The following SEMA3E variants were observed in gnomAD, a reference collection of about 807,000 sequenced individuals.
SEMA3E encodes semaphorin 3E, also known as semaphorin-3E.
SEMA3E carries 49 observed loss-of-function variants against 93.6 expected under a neutral mutation model. That is an observed-to-expected ratio of 0.52 (90% CI 0.42 to 0.66). The LOEUF is 0.66. Ranked by LOEUF, SEMA3E falls within the 30% of genes least tolerant of loss-of-function variation. SEMA3E has a pLI of 0.00. For missense variants in SEMA3E, 906 were observed against 964.8 expected (o/e 0.94, Z 0.81); for synonymous variants, 363 against 330.7 (o/e 1.10, Z -1.06).
At chr7:83,629,917 T>C (rs1293277250) in intron 1 of SEMA3E, among the ~76,000 whole-genome samples, 4 of 152,132 alleles carry the variant, frequency 2.6e-5, no homozygotes, top group Admixed American at 1.3e-4. Context: ...GCTCTGGTAG[T>C]GCAGGCACCC....
chr7:83,417,328 T>C (rs1425750911), intron 5 of SEMA3E, among the ~76,000 whole-genome samples: 1 of 152,090 alleles, frequency 6.6e-6, no homozygotes, highest in Non-Finnish European at 1.5e-5. Flanking sequence ...ATAAACTGAC[T>C]TGAATATGTT....
chr7:83,457,938 T>C (rs1789523548), intron 4 of SEMA3E, among the ~76,000 whole-genome samples: 2 of 152,156 alleles, frequency 1.3e-5, no homozygotes. Flanking sequence ...TTGTAACTTT[T>C]AATTCCCTCA....
intron 4 of SEMA3E, among the ~76,000 whole-genome samples, chr7:83,430,021 T>C (rs1360072811): frequency 1.3e-5 from 2 of 152,186 alleles, no homozygotes; most frequent in African/African-American, 4.8e-5. Context: ...TCATGGATAA[T>C]TTAACAAACA....
intron 4 of SEMA3E, among the ~76,000 whole-genome samples, chr7:83,439,240 T>C (rs907542859): frequency 5.3e-5 from 8 of 152,122 alleles, no homozygotes; most frequent in African/African-American, 1.4e-4. Flanking sequence ...ATCACAGTCC[T>C]GTGTGGAGAA....
At chr7:83,605,425 G>A (rs946485619) in intron 1 of SEMA3E, among the ~76,000 whole-genome samples, 3 of 149,824 alleles carry the variant, frequency 2.0e-5, no homozygotes, top group Admixed American at 6.6e-5. Flanking sequence ...CCGCATAAAT[G>A]TCCTCTCTTT....
chr7:83,485,881 TA>T (rs1381874722), intron 2 of SEMA3E, among the ~76,000 whole-genome samples: 1 of 152,166 alleles, frequency 6.6e-6, no homozygotes, highest in African/African-American at 2.4e-5. Flanking sequence ...GAATGTATGT[TA>T]TGTATATCCT....
chr7:83,373,744 C>T (rs1794781254), intron 16 of SEMA3E, among the ~76,000 whole-genome samples: 1 of 151,712 alleles, frequency 6.6e-6, no homozygotes, highest in African/African-American at 2.4e-5. Context: ...CATTTATATT[C>T]AAGAATGAAT....
At chr7:83,447,966 CACAA>C (rs548669653) in intron 4 of SEMA3E, among the ~76,000 whole-genome samples, 1 of 152,140 alleles carries the variant, frequency 6.6e-6, no homozygotes, top group Non-Finnish European at 1.5e-5. Context: ...GTTTAATCCA[CACAA>C]ACACTCAAAA....
chr7:83,447,598 G>A (rs991620465), intron 4 of SEMA3E, among the ~76,000 whole-genome samples: 1 of 152,140 alleles, frequency 6.6e-6, no homozygotes, highest in South Asian at 2.1e-4. Flanking sequence ...GAAGGTTATC[G>A]CTGGAGAAAA....
chr7:83,594,106 A>G (rs1244278924), intron 1 of SEMA3E, among the ~76,000 whole-genome samples: 1 of 152,170 alleles, frequency 6.6e-6, no homozygotes, highest in Non-Finnish European at 1.5e-5. Flanking sequence ...TTATGCCAAT[A>G]TGGAGAACTT....
At chr7:83,418,336 T>C (rs1788598942) in intron 5 of SEMA3E, 54 bp downstream of exon 5, 2 of 1,221,838 alleles carry the variant, frequency 1.6e-6, no homozygotes, top group East Asian at 4.8e-5. Context: ...AGTTGAAATA[T>C]ATGTTTTAAA....
At chr7:83,499,032 CTTT>C (rs1203076259) in intron 1 of SEMA3E, among the ~76,000 whole-genome samples, 17 of 73,736 alleles carry the variant, frequency 2.3e-4, no homozygotes, top group Non-Finnish European at 4.6e-4. Context: ...AAACCTTTTT[CTTT>C]ACCTTTCTTT....
intron 1 of SEMA3E, among the ~76,000 whole-genome samples, chr7:83,532,097 T>C (rs1457817868): frequency 6.6e-6 from 1 of 152,190 alleles, no homozygotes; most frequent in Non-Finnish European, 1.5e-5. Context: ...GATAGTTCAA[T>C]GCAAAAATTT....
At chr7:83,634,620 A>G (rs917131999) in intron 1 of SEMA3E, among the ~76,000 whole-genome samples, 3 of 151,868 alleles carry the variant, frequency 2.0e-5, no homozygotes, top group Non-Finnish European at 1.5e-5. Flanking sequence ...TTTCCTTCTT[A>G]TTATGGTTAT....
intron 1 of SEMA3E, among the ~76,000 whole-genome samples, chr7:83,577,814 AT>A (rs1792438385): frequency 2.0e-5 from 3 of 152,192 alleles, no homozygotes; most frequent in Admixed American, 2.0e-4. Flanking sequence ...AATTCAGAAT[AT>A]TGAAAGTAAT....
intron 1 of SEMA3E, among the ~76,000 whole-genome samples, chr7:83,570,336 G>A (rs1431361914): frequency 2.0e-5 from 3 of 151,200 alleles, no homozygotes; most frequent in African/African-American, 4.9e-5. Context: ...GGCGGATCAC[G>A]AGGTCAGGAG....
At chr7:83,463,675 A>G (rs1223214535) in intron 4 of SEMA3E, among the ~76,000 whole-genome samples, 2 of 152,124 alleles carry the variant, frequency 1.3e-5, no homozygotes, top group African/African-American at 4.8e-5. Context: ...CCTAATCACC[A>G]CACACCAGCA....
chr7:83,561,948 A>G (rs916233620), intron 1 of SEMA3E, among the ~76,000 whole-genome samples: 7 of 152,082 alleles, frequency 4.6e-5, no homozygotes, highest in Non-Finnish European at 8.8e-5. Context: ...AAAATCAGAC[A>G]CGAAATCCCC....
intron 1 of SEMA3E, among the ~76,000 whole-genome samples, chr7:83,522,194 A>T (rs763350895): frequency 2.0e-5 from 3 of 152,092 alleles, no homozygotes; most frequent in Non-Finnish European, 4.4e-5. Flanking sequence ...AAGGTACTCT[A>T]TCTACAAATT....
Sources: allele counts gnomAD v4.1 joint callset (sites outside exome capture counted in the v4.1 genomes callset), GRCh38; gene constraint gnomAD v4.1.1; transcripts MANE v1.5; gene names NCBI Gene and HGNC (gene_info 2026-07-23, HGNC 2026-07-21).